PKHD1L1: variants seen among roughly 807,000 people sequenced by gnomAD.
PKHD1L1 encodes PKHD1 like 1.
A neutral mutation model predicts 462.9 loss-of-function variants in PKHD1L1; 434 were observed. That is an observed-to-expected ratio of 0.94 (90% CI 0.87 to 1.02). The LOEUF is 1.02. Among genes scored for constraint, PKHD1L1 ranks in the 50% least tolerant of loss-of-function variants. The probability of loss-of-function intolerance (pLI) is 0.00; values close to 1 mark genes in which losing one functional copy is unlikely to be tolerated. For synonymous variants in PKHD1L1, 1,781 were observed against 1,750.0 expected (o/e 1.02, Z -0.44); for missense variants, 5,202 against 5,096.1 (o/e 1.02, Z -0.63).
chr8:109,401,993 G>A (rs898923733), intron 14 of PKHD1L1, among the ~76,000 whole-genome samples: 1 of 152,106 alleles, frequency 6.6e-6, no homozygotes, highest in African/African-American at 2.4e-5. Context: ...TTATTAACTG[G>A]TTTATTCCAG....
At position 109,373,000 on chromosome 8, in the gene PKHD1L1, C is replaced by G. The variant is rs184183059; in HGVS notation, c.163+8364C>G. Among the ~76,000 whole-genome samples, 13 of 149,430 alleles carry G rather than the reference C, an allele frequency of 8.7e-5. No individual in the cohort carries two copies. In the East Asian group the frequency reaches 2.5e-3, roughly 29 times the overall value. ...TTGCATCTCTGCCCAGCTTTGGTAT[C>G]AGGATGATGCTGGCCTCATAAAATA... On this transcript the variant is annotated intron_variant, in intron 2 of 77. Transcript: ENST00000378402.
At chr8:109,498,812 T>A (rs890142944) in intron 67 of PKHD1L1, 41 bp downstream of exon 67, 3 of 1,476,282 alleles carry the variant, frequency 2.0e-6, no homozygotes, top group Non-Finnish European at 2.8e-6. Context: ...AATTAATTTC[T>A]GTAAAGAATA....
chr8:109,390,424 T>C, intron 8 of PKHD1L1, 28 bp from the exon 9 acceptor site: 3 of 1,317,884 alleles, frequency 2.3e-6, no homozygotes, highest in Non-Finnish European at 2.0e-6. Flanking sequence ...GGGAATTTAA[T>C]TGATTGTGTA....
intron 67 of PKHD1L1, among the ~76,000 whole-genome samples, chr8:109,501,654 T>C (rs1485406591): frequency 6.6e-6 from 1 of 152,180 alleles, no homozygotes; most frequent in African/African-American, 2.4e-5. Context: ...AAAGAAGGTG[T>C]CCATACTGTT....
intron 71 of PKHD1L1, among the ~76,000 whole-genome samples, chr8:109,512,203 G>C (rs1225761074): frequency 6.6e-6 from 1 of 152,008 alleles, no homozygotes; most frequent in East Asian, 1.9e-4. Context: ...AGTTTAATTA[G>C]ATCCCATTTG....
At chr8:109,390,369 T>C in intron 8 of PKHD1L1, 83 bp from the exon 9 acceptor site, 1 of 730,310 alleles carries the variant, frequency 1.4e-6, no homozygotes, top group African/African-American at 1.8e-5. Flanking sequence ...TTTTCTCTGC[T>C]TTTAAATCAG....
At chr8:109,409,414 A>G (rs1056125578) in intron 18 of PKHD1L1, among the ~76,000 whole-genome samples, 6 of 151,962 alleles carry the variant, frequency 3.9e-5, no homozygotes, top group African/African-American at 1.2e-4. Flanking sequence ...ATGCCCAGCT[A>G]ATTTTTATAT....
Position 109,433,215 on chromosome 8 carries a change from T to C in PKHD1L1, c.3339T>C (p.Asp1113=). The C allele has an allele frequency of 6.2e-7, 1 of 1,600,280 alleles. No homozygotes were observed. The highest frequency in any genetic ancestry group is 1.3e-5 in the African/African-American group (1 of 74,436). The change falls in exon 28 of 78, where the codon GAT becomes GAC. Residue 1113 remains aspartate (D), a splice_region_variant and synonymous_variant. Transcript: ENST00000378402. ...TAGGTTGTTCTCTTCTTTCTGTGGA[T>C]GGTAGGTCCTTTTAAAAACTATTAA... ...GPVGCSLLSV[D]EKELKCQILN... is the part of the protein sequence containing the mutation.
At position 109,362,664 on chromosome 8, in the gene PKHD1L1, G is replaced by C; in HGVS notation, c.73+11G>C. On this transcript the variant is annotated intron_variant, in intron 1 of 77. Coordinates refer to ENST00000378402, the MANE Select transcript of PKHD1L1 (RefSeq NM_177531.6). Reference sequence around the variant, plus strand: ...CGGATCCCAGCACAGGTAACCCTTTGGGCACGCTAGGCAGGCAAGCAGGAG... The same window carrying C: ...CGGATCCCAGCACAGGTAACCCTTTCGGCACGCTAGGCAGGCAAGCAGGAG... 2.5e-6 allele frequency: 4 copies of C among 1,590,444 alleles called. No individual in the cohort carries two copies. Among genetic ancestry groups the C allele is most frequent in the Non-Finnish European group, 3.4e-6 (4 of 1,168,078 alleles).
At chr8:109,427,948 C>T (rs187648393) in intron 25 of PKHD1L1, among the ~76,000 whole-genome samples, 2 of 135,416 alleles carry the variant, frequency 1.5e-5, no homozygotes, top group Admixed American at 8.9e-5. Context: ...ACCTGGGAGA[C>T]GGAGATTGCA....
Position 109,533,546 on chromosome 8 carries a change from C to T in PKHD1L1, c.*3456C>T, listed in dbSNP as rs546797733. 2.0e-5 allele frequency among the ~76,000 whole-genome samples: 3 copies of T among 152,318 alleles called. No individual in the cohort carries two copies. In the East Asian group the frequency reaches 5.8e-4, roughly 29 times the overall value. ...TTTCCCAGCTTCACTTGCAGTGAGA[C>T]TGATCAATTTCTGTGCAGTGGGTTA... On this transcript the variant is annotated 3_prime_UTR_variant, in exon 78 of 78. Transcript: ENST00000378402.
Position 109,464,818 on chromosome 8 carries a change from G to T in PKHD1L1, c.7986G>T (p.Trp2662Cys). The T allele has an allele frequency of 6.2e-7, 1 of 1,613,788 alleles. No individual in the cohort carries two copies. The highest frequency in any genetic ancestry group is 8.5e-7 in the Non-Finnish European group (1 of 1,179,800). ...TTWNCQKGAE[W>C]VNGGALQFHN... ...GGAATTGTCAAAAAGGAGCTGAATG[G>T]GTCAATGGAGGTGCCCTTCAGTTCC... The change falls in exon 49 of 78, where the codon TGG becomes TGT. Residue 2662 changes from tryptophan to cysteine, a missense_variant. Transcript: ENST00000378402.
At chr8:109,410,214 G>A (rs1813765548) in intron 19 of PKHD1L1, among the ~76,000 whole-genome samples, 1 of 152,204 alleles carries the variant, frequency 6.6e-6, no homozygotes, top group South Asian at 2.1e-4. Context: ...TTGCTAGAAA[G>A]TAGGAAAGCT....
intron 2 of PKHD1L1, among the ~76,000 whole-genome samples, chr8:109,378,345 A>G (rs1040667842): frequency 2.6e-5 from 4 of 152,122 alleles, no homozygotes; most frequent in African/African-American, 9.7e-5. Context: ...AAAGCCTGCA[A>G]TTACTCCCCA....
chr8:109,438,879 T>A lies in PKHD1L1; in HGVS notation c.3761-18T>A, dbSNP rs1586512375. ...AAGTTGAACTTTTTGCATTATTTTT[T>A]AAATTTTAAAATACCAGGAGAAGTT... On this transcript the variant is annotated intron_variant, in intron 31 of 77. Coordinates refer to ENST00000378402, the MANE Select transcript of PKHD1L1 (RefSeq NM_177531.6). 5.9e-6 allele frequency: 9 copies of A among 1,533,764 alleles called. No homozygotes were observed. The highest frequency in any genetic ancestry group is 7.9e-6 in the Non-Finnish European group (9 of 1,136,282).
chr8:109,405,225 T>G, intron 16 of PKHD1L1, 95 bp downstream of exon 16: 1 of 778,798 alleles, frequency 1.3e-6, no homozygotes, highest in East Asian at 3.3e-5. Context: ...GTCTGGAAAA[T>G]ATAGTTTTGA....
rs1228183032 is a variant in PKHD1L1, at chr8:109,465,178, A to G, written c.8346A>G (p.Thr2782=). 3 of 1,613,710 alleles carry G rather than the reference A, an allele frequency of 1.9e-6. No individual in the cohort carries two copies. Among genetic ancestry groups the G allele is most frequent in the Non-Finnish European group, 2.5e-6 (3 of 1,179,748 alleles). ...AKFVDVQYSH[T]PNKAGFRWEH... The stretch of plus-strand genomic sequence containing the variant: ...TTGTTGACGTCCAGTATTCTCACAC[A>G]CCGAACAAGGCTGGCTTTCGCTGGG... The change falls in exon 49 of 78, where the codon ACA becomes ACG. Residue 2782 remains threonine (T), a synonymous_variant. Transcript: ENST00000378402.
chr8:109,445,439 A>C lies in PKHD1L1; in HGVS notation c.5570A>C (p.Tyr1857Ser). 6.2e-7 allele frequency: 1 copy of C among 1,614,008 alleles called. No homozygotes were observed. Among genetic ancestry groups the C allele is most frequent in the Non-Finnish European group, 8.5e-7 (1 of 1,179,906 alleles). The change falls in exon 38 of 78, where the codon TAT becomes TCT. Residue 1857 changes from tyrosine (Y) to serine (S), a missense_variant. Around this residue, in one of 3 missense-constraint regions of PKHD1L1, gnomAD observed 4,497 missense variants for 4,336.8 expected, o/e 1.04. Transcript: ENST00000378402. ...CTGGTGATCACAGGAAATGGCTTCT[A>C]TCCAGGCAACACTACAGTCACTATT... ...TTLVITGNGF[Y>S]PGNTTVTIGD... is the part of the protein sequence containing the mutation.
Position 109,507,788 on chromosome 8 carries a change from G to T in PKHD1L1, c.11120G>T (p.Trp3707Leu). 6.2e-7 allele frequency: 1 copy of T among 1,613,430 alleles called. No individual in the cohort carries two copies. Among genetic ancestry groups the T allele is most frequent in the Non-Finnish European group, 8.5e-7 (1 of 1,179,660 alleles). Residue 3707 changes from tryptophan (W) to leucine (L), a missense_variant, in exon 69 of 78, where the codon TGG becomes TTG. Trp to Leu is a moderately conservative substitution (Grantham distance 61). This residue lies in a region of PKHD1L1 where 698 missense variants were observed against 736.3 expected (regional missense o/e 0.95). Coordinates refer to ENST00000378402, the MANE Select transcript of PKHD1L1 (RefSeq NM_177531.6). ...GSVIPQAEYE[W>L]DGNSQVGIGD... ...GTGATACCTCAAGCAGAATATGAAT[G>T]GGACGGAAACAGCCAAGTAGGAATT... is the stretch of plus-strand genomic sequence containing the variant.
Sources: gnomAD v4.1 joint callset for allele counts (sites outside exome capture counted in the v4.1 genomes callset) on GRCh38, gnomAD v4.1.1 for gene constraint, gnomAD v4.1.1 regional missense constraint, MANE v1.5 for transcripts, NCBI Gene and HGNC (gene_info 2026-07-23, HGNC 2026-07-21) for gene names.